Variants in DYNC2H1 observed in about 807,000 individuals in gnomAD.
DYNC2H1 encodes cytoplasmic dynein 2 heavy chain 1.
Under a neutral mutation model 570.0 loss-of-function variants are expected in DYNC2H1, and 410 were observed. The ratio of observed to expected loss-of-function variants is 0.72; its 90% CI spans 0.66 to 0.78. The LOEUF is 0.78. Among genes scored for constraint, DYNC2H1 ranks in the 30% least tolerant of loss-of-function variants. The pLI, the probability that DYNC2H1 is intolerant of heterozygous loss-of-function variation, is 0.00. For synonymous variants in DYNC2H1, 1,688 were observed against 1,677.6 expected (o/e 1.01, Z -0.15); for missense variants, 4,865 against 5,046.4 (o/e 0.96, Z 1.09).
chr11:103,418,071 A>G (rs2135708314), intron 84 of DYNC2H1, among the ~76,000 whole-genome samples: 1 of 152,248 alleles, frequency 6.6e-6, no homozygotes, highest in East Asian at 1.9e-4. Flanking sequence ...TGAAAAAGAT[A>G]CAACTAATAT....
At chr11:103,200,176 G>T (rs571952954) in intron 50 of DYNC2H1, 22 bp downstream of exon 50, 5 of 1,435,618 alleles carry the variant, frequency 3.5e-6, no homozygotes, top group Non-Finnish European at 4.7e-6. Context: ...GTTTCTTTTC[G>T]AAGAAAATAA....
At chr11:103,335,495 T>G (rs1939070456) in intron 82 of DYNC2H1, among the ~76,000 whole-genome samples, 1 of 122,172 alleles carries the variant, frequency 8.2e-6, no homozygotes, top group African/African-American at 3.0e-5. Flanking sequence ...GGCCATGAGA[T>G]TAGCAGAGAG....
At chr11:103,381,921 A>T (rs569975822) in intron 83 of DYNC2H1, among the ~76,000 whole-genome samples, 119 of 152,328 alleles carry the variant, frequency 7.8e-4, no homozygotes, top group African/African-American at 2.7e-3. Context: ...ACATTTTAAC[A>T]TCTTATTTTT....
intron 18 of DYNC2H1, among the ~76,000 whole-genome samples, chr11:103,146,721 G>T (rs1860259858): frequency 6.6e-6 from 1 of 151,900 alleles, no homozygotes; most frequent in African/African-American, 2.4e-5. Context: ...TCCTACCTCA[G>T]CCTCCTGAGT....
intron 65 of DYNC2H1, among the ~76,000 whole-genome samples, chr11:103,253,075 A>G (rs1864901467): frequency 6.6e-6 from 1 of 152,200 alleles, no homozygotes; most frequent in Admixed American, 6.6e-5. Context: ...GTATCCCAGG[A>G]TCTTCTTAGT....
At chr11:103,310,965 G>T (rs1867562095) in intron 78 of DYNC2H1, among the ~76,000 whole-genome samples, 1 of 151,944 alleles carries the variant, frequency 6.6e-6, no homozygotes, top group Non-Finnish European at 1.5e-5. Context: ...GCTTCCCTAA[G>T]TGCTGGGATT....
intron 84 of DYNC2H1, among the ~76,000 whole-genome samples, chr11:103,422,872 A>G (rs1943535161): frequency 6.6e-6 from 1 of 152,188 alleles, no homozygotes; most frequent in South Asian, 2.1e-4. Context: ...AATGGTACTC[A>G]AATAGGAAGA....
intron 75 of DYNC2H1, among the ~76,000 whole-genome samples, chr11:103,288,007 G>A (rs1329082604): frequency 2.6e-5 from 4 of 151,992 alleles, no homozygotes; most frequent in African/African-American, 7.3e-5. Context: ...AGTGCTGATT[G>A]GTCAGGTTGG....
chr11:103,399,602 C>G, intron 83 of DYNC2H1, 61 bp from the exon 84 acceptor site: 1 of 1,158,186 alleles, frequency 8.6e-7, no homozygotes. Flanking sequence ...AGTTTCAAAG[C>G]GTTTTATATA....
rs748961661 is a variant in DYNC2H1 at position 103,113,495 on chromosome 11, A to G, written c.196-42A>G. On this transcript the variant is annotated intron_variant, in intron 1 of 88. Transcript: ENST00000375735. ...TTTGTCTACATTTTTTTCAAATATT[A>G]AATTTTATGAAGATAACATTAAAAA... 1.2e-5 allele frequency: 17 copies of G among 1,413,602 alleles called. No homozygotes were observed. In the African/African-American group the frequency reaches 2.1e-4, roughly 17 times the overall value. 87.6% of individuals were successfully genotyped at this position (1,413,602 alleles called of 1,614,324 possible).
At chr11:103,405,631 A>G (rs908627825) in intron 84 of DYNC2H1, 1 of 152,014 alleles carries the variant, frequency 6.6e-6, no homozygotes, top group Non-Finnish European at 1.5e-5. Flanking sequence ...TGGTATGACC[A>G]TAAAGAAGAT....
chr11:103,116,770 C>CT, intron 5 of DYNC2H1, 56 bp downstream of exon 5: 1 of 1,496,208 alleles, frequency 6.7e-7, no homozygotes. Context: ...ATTTTGTTAT[C>CT]TTTTTATCCT....
chr11:103,352,677 T>G (rs1267587810), intron 82 of DYNC2H1, among the ~76,000 whole-genome samples: 1 of 152,170 alleles, frequency 6.6e-6, no homozygotes, highest in East Asian at 1.9e-4. Context: ...TGAAAGAATG[T>G]TCTTGCTTTT....
intron 70 of DYNC2H1, among the ~76,000 whole-genome samples, chr11:103,271,256 T>C (rs1276774559): frequency 6.6e-6 from 1 of 152,202 alleles, no homozygotes; most frequent in Non-Finnish European, 1.5e-5. Flanking sequence ...TGAATCTTAA[T>C]AAGTGACACA....
chr11:103,281,112 TTACTC>T (rs1461883494), intron 71 of DYNC2H1, among the ~76,000 whole-genome samples: 1 of 152,070 alleles, frequency 6.6e-6, no homozygotes, highest in African/African-American at 2.4e-5. Context: ...TTGACTTACT[TTACTC>T]TACTTAGTCA....
At chr11:103,115,374 G>A (rs1452139424) in intron 4 of DYNC2H1, 79 bp downstream of exon 4, 2 of 842,500 alleles carry the variant, frequency 2.4e-6, no homozygotes, top group Non-Finnish European at 3.6e-6. Flanking sequence ...CCTCTCTTCT[G>A]TTTTAAAATG....
chr11:103,173,788 C>T (rs905068298), intron 35 of DYNC2H1, among the ~76,000 whole-genome samples: 8 of 152,056 alleles, frequency 5.3e-5, no homozygotes, highest in African/African-American at 1.9e-4. Flanking sequence ...AGGCTTTAGG[C>T]ATTAGGGTAA....
chr11:103,179,908 C>G (rs772173444), intron 39 of DYNC2H1, among the ~76,000 whole-genome samples: 5 of 151,370 alleles, frequency 3.3e-5, no homozygotes, highest in Non-Finnish European at 7.4e-5. Context: ...TTTACTTTTC[C>G]AATTTTTATT....
At chr11:103,346,970 C>G (rs1939774961) in intron 82 of DYNC2H1, among the ~76,000 whole-genome samples, 1 of 152,164 alleles carries the variant, frequency 6.6e-6, no homozygotes, top group Non-Finnish European at 1.5e-5. Flanking sequence ...ACCCTGTGAT[C>G]AATCTTTGCA....
Sources: gnomAD v4.1 joint callset for allele counts (sites outside exome capture counted in the v4.1 genomes callset) on GRCh38, gnomAD v4.1.1 for gene constraint, MANE v1.5 for transcripts, NCBI Gene and HGNC (gene_info 2026-07-23, HGNC 2026-07-21) for gene names.